The following LARGE1 variants were observed in gnomAD, a reference collection of about 807,000 sequenced individuals.
LARGE1 encodes the protein xylosyl- and glucuronyltransferase LARGE1.
A neutral mutation model predicts 87.6 loss-of-function variants in LARGE1; 43 were observed. That is an observed-to-expected ratio of 0.49 (90% CI 0.38 to 0.63). The LOEUF (loss-of-function observed/expected upper bound fraction) is 0.63, where lower values mean the gene tolerates loss of function less well. Ranked by LOEUF, LARGE1 falls within the 30% of genes least tolerant of loss-of-function variation. The pLI, the probability that LARGE1 is intolerant of heterozygous loss-of-function variation, is 0.00. For synonymous variants in LARGE1, 434 were observed against 394.6 expected (o/e 1.10, Z -1.18); for missense variants, 802 against 1,000.2 (o/e 0.80, Z 2.67).
At chr22:33,719,197 T>C (rs1601408321) in intron 2 of LARGE1, among the ~76,000 whole-genome samples, 1 of 152,234 alleles carries the variant, frequency 6.6e-6, no homozygotes, top group South Asian at 2.1e-4. Context: ...AGCTATACAA[T>C]GCGTTTGTTA....
the LARGE1 span, among the ~76,000 whole-genome samples, chr22:33,127,216 ACTGCTCCAGTGGGG>A: frequency 6.6e-6 from 1 of 152,288 alleles, no homozygotes. Context: ...CCTCCCTAGC[ACTGCTCCAGTGGGG>A]CTGCCTTCTC....
chr22:33,592,227 T>G (rs942276648), intron 5 of LARGE1, among the ~76,000 whole-genome samples: 8 of 149,898 alleles, frequency 5.3e-5, no homozygotes, highest in Non-Finnish European at 1.2e-4. Flanking sequence ...TAAGATTCAT[T>G]TCAAGTTAAT....
At chr22:33,411,799 T>C (rs1480127045) in intron 7 of LARGE1, among the ~76,000 whole-genome samples, 1 of 152,186 alleles carries the variant, frequency 6.6e-6, no homozygotes, top group Non-Finnish European at 1.5e-5. Context: ...GGCAAAACTA[T>C]GCAGTTCTTA....
At position 33,447,562 on chromosome 22, in the gene LARGE1, T is replaced by C. The variant is rs1305463146; in HGVS notation, c.788-15297A>G. Among the ~76,000 whole-genome samples, 4 of 152,336 alleles carry C rather than the reference T, an allele frequency of 2.6e-5. No individual in the cohort carries two copies. In the East Asian group the frequency reaches 7.7e-4, roughly 29 times the overall value. The stretch of plus-strand genomic sequence containing the variant: ...CCCAATGCACAGCCTCCTAGCACTC[T>C]CTTCCTGCTTGCTGAATAGAATTGT... On this transcript the variant is annotated intron_variant, in intron 6 of 14. Transcript: ENST00000397394.
intron 11 of LARGE1, among the ~76,000 whole-genome samples, chr22:33,312,904 T>TGGCTTCCTGATGCTTAGTGGTGGGGA (rs1225222883): frequency 1.1e-4 from 16 of 152,300 alleles, no homozygotes; most frequent in African/African-American, 3.6e-4. Flanking sequence ...TGTGGTGAGG[T>TGGCTTCCTGATGCTTAGTGGTGGGGA]GGCTTCCTGA....
At chr22:33,293,576 C>G (rs1602274532) in intron 12 of LARGE1, among the ~76,000 whole-genome samples, 1 of 152,116 alleles carries the variant, frequency 6.6e-6, no homozygotes, top group African/African-American at 2.4e-5. Flanking sequence ...AAATGAACTT[C>G]TTTGAGTTCA....
At chr22:33,741,686 G>A (rs1429684722) in intron 2 of LARGE1, among the ~76,000 whole-genome samples, 1 of 152,212 alleles carries the variant, frequency 6.6e-6, no homozygotes, top group South Asian at 2.1e-4. Flanking sequence ...GGCAGGATGA[G>A]GTGAGGACCC....
intron 1 of LARGE1, among the ~76,000 whole-genome samples, chr22:33,904,971 T>C (rs954886309): frequency 4.0e-5 from 6 of 151,542 alleles, no homozygotes; most frequent in African/African-American, 1.5e-4. Flanking sequence ...TAAGGGTCTA[T>C]GGCAGAAATC....
chr22:33,615,179 T>G (rs2079547024), intron 4 of LARGE1, among the ~76,000 whole-genome samples: 1 of 152,234 alleles, frequency 6.6e-6, no homozygotes, highest in South Asian at 2.1e-4. Context: ...TTTATTTTGT[T>G]AAGAATCTTA....
At chr22:33,567,060 ATCTC>A (rs1460551550) in intron 5 of LARGE1, among the ~76,000 whole-genome samples, 1 of 152,160 alleles carries the variant, frequency 6.6e-6, no homozygotes, top group Non-Finnish European at 1.5e-5. Context: ...AAAGCATTTG[ATCTC>A]TCTAAGCCTT....
intron 1 of LARGE1, among the ~76,000 whole-genome samples, chr22:33,909,517 CTTTTGTTTTTTTTT>C (rs1212457324): frequency 2.9e-5 from 4 of 140,126 alleles, no homozygotes; most frequent in African/African-American, 5.7e-5. Flanking sequence ...CCAACTTCTT[CTTTTGTTTTTTTTT>C]TTTTGTTTTT....
chr22:33,516,350 C>G lies in LARGE1; in HGVS notation c.787+48498G>C, dbSNP rs559047112. 1.2e-3 allele frequency among the ~76,000 whole-genome samples: 180 copies of G among 152,220 alleles called. 1 individual carries two copies. The highest frequency in any genetic ancestry group is 4.2e-3 in the African/African-American group (175 of 41,538). ...AGAGGCCCACATCCCTATGTCTCAC[C>G]AGGGCCAGCTTTAGGGACACAGGAT... On this transcript the variant is annotated intron_variant, in intron 6 of 14. Coordinates refer to ENST00000397394, the MANE Select transcript of LARGE1 (RefSeq NM_133642.5).
intron 2 of LARGE1, among the ~76,000 whole-genome samples, chr22:33,672,438 G>C (rs1288519925): frequency 6.6e-6 from 1 of 152,162 alleles, no homozygotes; most frequent in African/African-American, 2.4e-5. Flanking sequence ...ACATCTGATT[G>C]CCAAGTCTGT....
intron 11 of LARGE1, among the ~76,000 whole-genome samples, chr22:33,186,818 T>G (rs1055520674): frequency 1.3e-5 from 2 of 151,800 alleles, no homozygotes; most frequent in Non-Finnish European, 2.9e-5. Flanking sequence ...AAGTCAATTG[T>G]GTCTCTACAT....
At chr22:33,820,190 C>T (rs1224835560) in intron 1 of LARGE1, among the ~76,000 whole-genome samples, 1 of 152,152 alleles carries the variant, frequency 6.6e-6, no homozygotes, top group Non-Finnish European at 1.5e-5. Context: ...AATAGTTATG[C>T]TGATTAAATA....
intron 4 of LARGE1, among the ~76,000 whole-genome samples, chr22:33,614,980 C>T (rs1423547784): frequency 1.3e-5 from 2 of 152,196 alleles, no homozygotes; most frequent in African/African-American, 2.4e-5. Context: ...CGCTTCACCC[C>T]GCTAACTGCG....
chr22:33,788,278 T>A (rs2085715696), intron 1 of LARGE1, among the ~76,000 whole-genome samples: 1 of 152,250 alleles, frequency 6.6e-6, no homozygotes, highest in South Asian at 2.1e-4. Context: ...TGCTGCCATG[T>A]AAGACGTGCC....
At chr22:33,851,866 G>A (rs566762073) in intron 1 of LARGE1, among the ~76,000 whole-genome samples, 18 of 152,312 alleles carry the variant, frequency 1.2e-4, no homozygotes, top group South Asian at 8.3e-4. Flanking sequence ...AGCCATAATC[G>A]GTAAAGAAAC....
chr22:33,152,840 G>A, the LARGE1 span, among the ~76,000 whole-genome samples: 1 of 151,982 alleles, frequency 6.6e-6, no homozygotes, highest in Non-Finnish European at 1.5e-5. Flanking sequence ...TATAGTTTGT[G>A]CTCTATTTTG....
Sources: gnomAD v4.1 joint callset for allele counts (sites outside exome capture counted in the v4.1 genomes callset) on GRCh38, gnomAD v4.1.1 for gene constraint, MANE v1.5 for transcripts, NCBI Gene and HGNC (gene_info 2026-07-23, HGNC 2026-07-21) for gene names.